WDR76: variants seen among roughly 807,000 people sequenced by gnomAD.
WDR76 encodes WD repeat domain 76, also known as WD repeat-containing protein 76.
Under a neutral mutation model 70.2 loss-of-function variants are expected in WDR76, and 52 were observed. The ratio of observed to expected loss-of-function variants is 0.74; its 90% CI spans 0.59 to 0.93. WDR76 has a LOEUF of 0.93. WDR76 is among the 40% of genes least tolerant of loss of function. WDR76 has a pLI of 0.00. For missense variants in WDR76, 756 were observed against 760.2 expected (o/e 0.99, Z 0.07); for synonymous variants, 292 against 271.1 (o/e 1.08, Z -0.76).
At position 43,858,686 on chromosome 15, in the gene WDR76, T is replaced by C. The variant is rs148766909; in HGVS notation, c.1425T>C (p.Tyr475=). Residue 475 remains tyrosine (Y), a synonymous_variant, in exon 11 of 13, where the codon TAT becomes TAC. Coordinates refer to ENST00000263795, the MANE Select transcript of WDR76 (RefSeq NM_024908.4). The part of the protein sequence containing the change: ...ITAGLRDTHI[Y]DARRLNSRRS... ...CCCATTACAGGGATACTCATATTTA[T>C]GATGCAAGGCGATTGAATTCCAGGA... is the stretch of plus-strand genomic sequence containing the variant. 14 of 1,613,896 alleles carry C rather than the reference T, an allele frequency of 8.7e-6. No homozygotes were observed. The African/African-American group carries it at 1.9e-4, about 22-fold the overall frequency.
intron 1 of WDR76, 55 bp downstream of exon 1, chr15:43,827,147 G>T (rs1014028032): frequency 2.4e-5 from 39 of 1,612,738 alleles, no homozygotes; most frequent in South Asian, 4.4e-5. Context: ...TTTTGTGAGG[G>T]TTATGCGGGA....
At chr15:43,830,676 G>A (rs921817952) in intron 2 of WDR76, among the ~76,000 whole-genome samples, 13 of 151,408 alleles carry the variant, frequency 8.6e-5, no homozygotes, top group Non-Finnish European at 1.5e-4. Context: ...AAAAAAAAAA[G>A]GAGGTGGACA....
rs746256680 is a variant in WDR76, at chr15:43,866,540, C to T, written c.*148C>T. 1.8e-4 allele frequency: 168 copies of T among 954,084 alleles called. No homozygotes were observed. In the African/African-American group the frequency reaches 2.5e-3, roughly 14 times the overall value. 59.1% of individuals were successfully genotyped at this position (954,084 alleles called of 1,614,324 possible). On this transcript the variant is annotated 3_prime_UTR_variant, in exon 13 of 13. Coordinates refer to ENST00000263795, the MANE Select transcript of WDR76 (RefSeq NM_024908.4). ...TTAATAAGACTATAAGAAGAGTGTA[C>T]TTTTAGTAAGGGAGAAGTCTTGGAG...
At chr15:43,850,471 A>G (rs1157399431) in intron 8 of WDR76, among the ~76,000 whole-genome samples, 5 of 151,302 alleles carry the variant, frequency 3.3e-5, no homozygotes, top group African/African-American at 1.2e-4. Context: ...AGTTTTTTGT[A>G]TTTTTAGTAG....
At chr15:43,828,402 T>G in intron 2 of WDR76, 36 bp downstream of exon 2, 1 of 1,538,746 alleles carries the variant, frequency 6.5e-7, no homozygotes, top group Admixed American at 2.2e-5. Flanking sequence ...CTGGTTTCTC[T>G]TTTTTGAAAT....
At chr15:43,833,886 C>T (rs565206687) in intron 2 of WDR76, among the ~76,000 whole-genome samples, 3 of 152,118 alleles carry the variant, frequency 2.0e-5, no homozygotes, top group South Asian at 2.1e-4. Context: ...CTGCCTGCCT[C>T]GGCCTCTCAA....
At chr15:43,862,257 T>G (rs1212587925) in intron 12 of WDR76, among the ~76,000 whole-genome samples, 5 of 151,434 alleles carry the variant, frequency 3.3e-5, no homozygotes, top group Non-Finnish European at 5.9e-5. Flanking sequence ...TCATACATTT[T>G]GTTCCATTTT....
intron 8 of WDR76, among the ~76,000 whole-genome samples, chr15:43,846,743 C>G (rs542737331): frequency 6.6e-6 from 1 of 151,634 alleles, no homozygotes; most frequent in African/African-American, 2.4e-5. Context: ...GTATTACAGC[C>G]GGACGCGGTG....
At chr15:43,834,891 A>G (rs898447437) in intron 2 of WDR76, among the ~76,000 whole-genome samples, 170 bp from the exon 3 acceptor site, 1 of 152,210 alleles carries the variant, frequency 6.6e-6, no homozygotes, top group African/African-American at 2.4e-5. Context: ...ATCCAGACTT[A>G]CTGAAATATC....
intron 8 of WDR76, among the ~76,000 whole-genome samples, chr15:43,845,137 A>C (rs1019963239): frequency 6.8e-6 from 1 of 146,726 alleles, no homozygotes; most frequent in Non-Finnish European, 1.5e-5. Context: ...AATTTTTTCT[A>C]TTTTTAGTAG....
chr15:43,839,824 A>G, intron 5 of WDR76, 96 bp downstream of exon 5: 1 of 1,339,104 alleles, frequency 7.5e-7, no homozygotes, highest in Non-Finnish European at 1.0e-6. Context: ...ATTATGTTTA[A>G]TTTTATATTT....
At chr15:43,828,965 C>G (rs1279574023) in intron 2 of WDR76, among the ~76,000 whole-genome samples, 3 of 150,732 alleles carry the variant, frequency 2.0e-5, no homozygotes, top group Non-Finnish European at 2.9e-5. Flanking sequence ...TGCAGTGACG[C>G]TATCTCGGCT....
chr15:43,847,813 C>T (rs1470703960), intron 8 of WDR76, among the ~76,000 whole-genome samples: 1 of 152,148 alleles, frequency 6.6e-6, no homozygotes, highest in Admixed American at 6.6e-5. Flanking sequence ...CCTGCTTCGG[C>T]CTCCCAGAGC....
chr15:43,828,318 G>A lies in WDR76; in HGVS notation c.414G>A (p.Val138=). ...TADAMNLSVD[V]ESSQDGDSDE... ...ATGCGATGAATCTCAGTGTTGATGT[G>A]GAAAGTAGTCAGGATGGAGACAGTG... The change falls in exon 2 of 13, where the codon GTG becomes GTA. Residue 138 remains valine, a synonymous_variant. Coordinates refer to ENST00000263795, the MANE Select transcript of WDR76 (RefSeq NM_024908.4). The A allele has an allele frequency of 6.2e-7, 1 of 1,613,956 alleles. No homozygotes were observed. The highest frequency in any genetic ancestry group is 1.3e-5 in the African/African-American group (1 of 75,032).
rs766865406 is a variant in WDR76, at chr15:43,866,362, A to T, written c.1851A>T (p.Ile617=). Reference sequence around the variant, plus strand: ...CTGGAGGTAATTCCAGCGGGAAGATACATGTTTTTATGAATGAAAAAAGCT... The same window carrying T: ...CTGGAGGTAATTCCAGCGGGAAGATTCATGTTTTTATGAATGAAAAAAGCT... The part of the protein sequence containing the change: ...ILAGGNSSGK[I]HVFMNEKSC The change falls in exon 13 of 13, where the codon ATA becomes ATT. Residue 617 remains isoleucine, a synonymous_variant. Transcript: ENST00000263795. 3.1e-6 allele frequency: 5 copies of T among 1,613,988 alleles called. No individual in the cohort carries two copies. The African/African-American group carries it at 6.7e-5, about 22-fold the overall frequency.
intron 5 of WDR76, among the ~76,000 whole-genome samples, chr15:43,840,842 G>A (rs1327928728): frequency 6.6e-6 from 1 of 152,094 alleles, no homozygotes; most frequent in African/African-American, 2.4e-5. Context: ...TCAGCTGGGT[G>A]TGGTGGCATG....
rs1469495662 is a variant in WDR76 at position 43,849,597 on chromosome 15, G to A, written c.1033-1490G>A. On this transcript the variant is annotated intron_variant, in intron 8 of 12. Coordinates refer to ENST00000263795, the MANE Select transcript of WDR76 (RefSeq NM_024908.4). The stretch of plus-strand genomic sequence containing the variant: ...TTTGTCGCCCAGGCTGGAGTTCAGT[G>A]GTGCAATCTTGGCTCACTGCAACCT... Among the ~76,000 whole-genome samples, 5 of 152,044 alleles carry A rather than the reference G, an allele frequency of 3.3e-5. No individual in the cohort carries two copies. The East Asian group carries it at 9.6e-4, about 29-fold the overall frequency.
intron 11 of WDR76, 74 bp downstream of exon 11, chr15:43,858,897 T>G (rs775269721): frequency 2.6e-5 from 39 of 1,527,836 alleles, no homozygotes; most frequent in Non-Finnish European, 3.4e-5. Flanking sequence ...AACCAAAAGC[T>G]TTGTTTACTG....
chr15:43,849,755 C>G (rs1197174296), intron 8 of WDR76, among the ~76,000 whole-genome samples: 2 of 152,064 alleles, frequency 1.3e-5, no homozygotes, highest in African/African-American at 4.8e-5. Context: ...CCAGGCTGGT[C>G]TTGAATTCCT....
Sources: allele counts gnomAD v4.1 joint callset (sites outside exome capture counted in the v4.1 genomes callset), GRCh38; gene constraint gnomAD v4.1.1; transcripts MANE v1.5; gene names NCBI Gene and HGNC (gene_info 2026-07-23, HGNC 2026-07-21).